AKAP19: variants seen among roughly 807,000 people sequenced by gnomAD.
AKAP19 encodes A-kinase anchoring protein 19.
the AKAP19 span, among the ~76,000 whole-genome samples, chr2:190,041,161 A>AT: frequency 1.3e-5 from 2 of 152,112 alleles, no homozygotes; most frequent in East Asian, 1.9e-4. Context: ...TGAGCATGGG[A>AT]TTTTTTTAAA....
At chr2:189,880,554 A>G in the AKAP19 span, among the ~76,000 whole-genome samples, 1 of 152,232 alleles carries the variant, frequency 6.6e-6, no homozygotes, top group South Asian at 2.1e-4. Flanking sequence ...GAGCAGGTAA[A>G]GGAATAGTCA....
the AKAP19 span, among the ~76,000 whole-genome samples, chr2:189,983,050 C>T: frequency 6.6e-6 from 1 of 152,128 alleles, no homozygotes; most frequent in Non-Finnish European, 1.5e-5. Context: ...GAAGCACCCA[C>T]CCTGATTGGG....
the AKAP19 span, among the ~76,000 whole-genome samples, chr2:189,963,352 ACC>A: frequency 2.8e-5 from 4 of 142,728 alleles, no homozygotes; most frequent in African/African-American, 8.1e-5. Context: ...CCACCACCAC[ACC>A]TGGCTAATTT....
chr2:189,975,466 T>C, the AKAP19 span, among the ~76,000 whole-genome samples: 2 of 152,208 alleles, frequency 1.3e-5, no homozygotes, highest in Non-Finnish European at 2.9e-5. Flanking sequence ...GTCTTGGAGT[T>C]GCTCTTCTCG....
At chr2:189,957,194 A>G in the AKAP19 span, among the ~76,000 whole-genome samples, 1 of 152,170 alleles carries the variant, frequency 6.6e-6, no homozygotes, top group East Asian at 1.9e-4. Context: ...AAATAAAATA[A>G]AAGTAATCCA....
At chr2:189,925,304 A>G in the AKAP19 span, among the ~76,000 whole-genome samples, 1 of 152,250 alleles carries the variant, frequency 6.6e-6, no homozygotes, top group Non-Finnish European at 1.5e-5. Flanking sequence ...TTCAGTATTC[A>G]TAGCAACTTT....
the AKAP19 span, among the ~76,000 whole-genome samples, chr2:189,981,238 T>C: frequency 1.2e-4 from 19 of 152,028 alleles, no homozygotes; most frequent in African/African-American, 4.6e-4. Context: ...CTTGTTCAAT[T>C]GAACCCTTTA....
At chr2:189,965,144 G>A in the AKAP19 span, among the ~76,000 whole-genome samples, 5 of 152,040 alleles carry the variant, frequency 3.3e-5, no homozygotes, top group African/African-American at 1.2e-4. Flanking sequence ...TGCATCTTAG[G>A]GTATAGGGAA....
chr2:189,917,295 T>C, the AKAP19 span: 2 of 1,412,798 alleles, frequency 1.4e-6, no homozygotes, highest in South Asian at 2.4e-5. Flanking sequence ...TTCTTCATGG[T>C]CCTCCATCTG....
At chr2:190,147,315 T>TC in the AKAP19 span, among the ~76,000 whole-genome samples, 8 of 152,282 alleles carry the variant, frequency 5.3e-5, no homozygotes, top group East Asian at 1.3e-3. Flanking sequence ...GCTGTAAGTG[T>TC]TTTGGTTTAT....
chr2:189,995,774 CAAGATATAGAACTCCTTTT>C, the AKAP19 span, among the ~76,000 whole-genome samples: 14 of 151,712 alleles, frequency 9.2e-5, no homozygotes, highest in Admixed American at 9.2e-4. Flanking sequence ...GGTTTTGTTT[CAAGATATAGAACTCCTTTT>C]AGCATTTCTT....
the AKAP19 span, among the ~76,000 whole-genome samples, chr2:190,159,124 G>A: frequency 3.3e-3 from 510 of 152,302 alleles, 2 homozygotes; most frequent in African/African-American, 0.012. Context: ...CTGGGATTAG[G>A]CACTTGCCTT....
chr2:190,122,810 CTTTT>C, the AKAP19 span, among the ~76,000 whole-genome samples: 1 of 144,708 alleles, frequency 6.9e-6, no homozygotes, highest in African/African-American at 2.5e-5. Context: ...CTCTCTCTCT[CTTTT>C]TTTTTTTTTG....
the AKAP19 span, among the ~76,000 whole-genome samples, chr2:189,984,729 A>G: frequency 6.6e-6 from 1 of 152,224 alleles, no homozygotes; most frequent in Non-Finnish European, 1.5e-5. Flanking sequence ...AGAAATTACA[A>G]AAGTATTAAT....
At chr2:190,178,610 A>G in the AKAP19 span, among the ~76,000 whole-genome samples, 1 of 152,146 alleles carries the variant, frequency 6.6e-6, no homozygotes, top group Admixed American at 6.5e-5. This position sits in a 1 kb window ranked among gnomAD's most constrained non-coding sequence, Gnocchi z 6.3. Flanking sequence ...CAGCCCTATG[A>G]TGGCGAAGGA....
the AKAP19 span, among the ~76,000 whole-genome samples, chr2:190,076,032 T>A: frequency 1.3e-5 from 2 of 152,234 alleles, 1 homozygote; most frequent in Non-Finnish European, 2.9e-5. Flanking sequence ...TACTGCTTCG[T>A]GTGTGATTGC....
the AKAP19 span, among the ~76,000 whole-genome samples, chr2:190,004,967 A>G: frequency 1.3e-5 from 2 of 152,170 alleles, no homozygotes; most frequent in African/African-American, 2.4e-5. Flanking sequence ...TAGTTCAACA[A>G]TTAAGCCACG....
At chr2:189,974,580 G>A in the AKAP19 span, among the ~76,000 whole-genome samples, 1 of 152,196 alleles carries the variant, frequency 6.6e-6, no homozygotes, top group Non-Finnish European at 1.5e-5. Flanking sequence ...GCAGTGGGGT[G>A]TTAAAGTCTC....
At chr2:189,979,177 A>G in the AKAP19 span, among the ~76,000 whole-genome samples, 2 of 152,198 alleles carry the variant, frequency 1.3e-5, no homozygotes, top group African/African-American at 4.8e-5. Context: ...CCTAACTTCA[A>G]TCTATACTAC....
Sources: allele counts gnomAD v4.1 joint callset (sites outside exome capture counted in the v4.1 genomes callset), GRCh38; gene constraint gnomAD v4.1.1; non-coding constraint Gnocchi (gnomAD v3.1); transcripts MANE v1.5; gene names NCBI Gene and HGNC (gene_info 2026-07-23, HGNC 2026-07-21).